The following SPAG16 variants were observed in gnomAD, a reference collection of about 807,000 sequenced individuals.
SPAG16 encodes the protein sperm associated antigen 16.
A neutral mutation model predicts 80.4 loss-of-function variants in SPAG16; 86 were observed. That is an observed-to-expected ratio of 1.07 (90% confidence interval 0.90 to 1.28). SPAG16 has a LOEUF of 1.28. SPAG16 is among the 50% of genes most tolerant of loss of function. The probability of loss-of-function intolerance (pLI) is 0.00; values close to 1 mark genes in which losing one functional copy is unlikely to be tolerated. For synonymous variants in SPAG16, 294 were observed against 265.9 expected (o/e 1.11, Z -1.03); for missense variants, 870 against 765.3 (o/e 1.14, Z -1.61).
rs1275491790 is a variant in SPAG16 at position 214,170,171 on chromosome 2, GATACACATACACTTAGGTGTGTATACAT to G, written c.1720+20913_1720+20940del. Among the ~76,000 whole-genome samples, 94 of 127,404 alleles carry G rather than the reference GATACACATACACTTAGGTGTGTATACAT, an allele frequency of 7.4e-4. 1 individual carries two copies. The highest frequency in any genetic ancestry group is 3.0e-3 in the African/African-American group (83 of 27,820). The allele number at this position is 127,404 out of a possible 152,430, so 83.6% of individuals were successfully genotyped here. On this transcript the variant is annotated intron_variant, in intron 15 of 15. Coordinates refer to ENST00000331683, the MANE Select transcript of SPAG16 (RefSeq NM_024532.5). ...AAAAAAATGCCTTTTGTGGGAGAGGGATACACATACACTTAGGTGTGTATACATATACACACACACTTAGGTGTGTATA... is the reference window on the plus strand; with the variant it reads ...AAAAAAATGCCTTTTGTGGGAGAGGGATACACACACACTTAGGTGTGTATA...
At chr2:213,531,883 C>CAGTG (rs143229995) in intron 10 of SPAG16, among the ~76,000 whole-genome samples, 33 of 152,250 alleles carry the variant, frequency 2.2e-4, no homozygotes, top group African/African-American at 7.7e-4. Context: ...ATCTTACAAT[C>CAGTG]AGTGAACCAT....
intron 10 of SPAG16, among the ~76,000 whole-genome samples, chr2:213,612,213 A>G (rs944208266): frequency 6.6e-6 from 1 of 151,930 alleles, no homozygotes; most frequent in Non-Finnish European, 1.5e-5. Flanking sequence ...TTTATGTTTA[A>G]TTTTTTTTGA....
chr2:213,427,576 G>A (rs536435007), intron 9 of SPAG16, among the ~76,000 whole-genome samples: 38 of 152,204 alleles, frequency 2.5e-4, no homozygotes, highest in African/African-American at 6.7e-4. Context: ...TAAGAAAGTC[G>A]AGTTTACATG....
intron 15 of SPAG16, among the ~76,000 whole-genome samples, chr2:214,154,131 T>G (rs533542759): frequency 6.6e-6 from 1 of 152,308 alleles, no homozygotes; most frequent in African/African-American, 2.4e-5. Flanking sequence ...ATTCAAAAAT[T>G]TATTGCTATT....
chr2:213,743,182 C>T (rs555413299), intron 10 of SPAG16, among the ~76,000 whole-genome samples: 7 of 151,432 alleles, frequency 4.6e-5, no homozygotes, highest in African/African-American at 1.4e-4. Flanking sequence ...GGATTACAGG[C>T]GTGAGCCACC....
chr2:213,927,209 A>T (rs1317785464), intron 11 of SPAG16, among the ~76,000 whole-genome samples: 1 of 152,202 alleles, frequency 6.6e-6, no homozygotes, highest in Non-Finnish European at 1.5e-5. Flanking sequence ...GTTATTTCTC[A>T]GAGGCCCTAC....
chr2:213,651,281 G>T (rs1217446012), intron 10 of SPAG16, among the ~76,000 whole-genome samples: 1 of 152,130 alleles, frequency 6.6e-6, no homozygotes, highest in Non-Finnish European at 1.5e-5. Context: ...TCTAGGGCAG[G>T]ATCAGTCAGG....
intron 9 of SPAG16, among the ~76,000 whole-genome samples, chr2:213,402,649 T>A (rs1390883951): frequency 1.3e-5 from 2 of 151,820 alleles, no homozygotes; most frequent in African/African-American, 4.8e-5. Context: ...ATTGTTCAAT[T>A]CCCACTTATG....
At chr2:213,690,073 C>T (rs1440909450) in intron 10 of SPAG16, among the ~76,000 whole-genome samples, 1 of 152,280 alleles carries the variant, frequency 6.6e-6, no homozygotes, top group South Asian at 2.1e-4. Context: ...CAATCCATCA[C>T]ATTAAAAAAA....
At chr2:214,117,669 G>C (rs1039535998) in intron 14 of SPAG16, among the ~76,000 whole-genome samples, 1 of 152,142 alleles carries the variant, frequency 6.6e-6, no homozygotes, top group African/African-American at 2.4e-5. Flanking sequence ...CATCAAATGA[G>C]ATTTATCCCA....
intron 13 of SPAG16, among the ~76,000 whole-genome samples, chr2:214,043,439 C>A (rs1355279913): frequency 6.6e-6 from 1 of 152,128 alleles, no homozygotes; most frequent in Admixed American, 6.6e-5. Context: ...CAGGAGCACT[C>A]AACCCCCCAA....
intron 10 of SPAG16, among the ~76,000 whole-genome samples, chr2:213,507,594 T>C (rs940540222): frequency 5.9e-5 from 9 of 152,222 alleles, no homozygotes; most frequent in African/African-American, 2.2e-4. Context: ...TTCAGCAATG[T>C]AGTGACCTGA....
intron 14 of SPAG16, among the ~76,000 whole-genome samples, chr2:214,121,688 A>C (rs1243519143): frequency 6.6e-6 from 1 of 151,866 alleles, no homozygotes; most frequent in Middle Eastern, 3.2e-3. Flanking sequence ...AAACTCCAAA[A>C]TGTTCCAAAA....
chr2:213,713,597 A>T (rs908727223), intron 10 of SPAG16, among the ~76,000 whole-genome samples: 1 of 152,222 alleles, frequency 6.6e-6, no homozygotes. Context: ...CAACTGTGCC[A>T]GTCATTTCAG....
intron 13 of SPAG16, among the ~76,000 whole-genome samples, chr2:214,097,315 T>C (rs2052656471): frequency 6.6e-6 from 1 of 152,032 alleles, no homozygotes; most frequent in Admixed American, 6.6e-5. Flanking sequence ...ACAATATGAT[T>C]CTTTTTAATT....
rs551443535 is a variant in SPAG16 at position 214,074,371 on chromosome 2, A to T, written c.1528-33825A>T. Among the ~76,000 whole-genome samples, 3 of 152,342 alleles carry T rather than the reference A, an allele frequency of 2.0e-5. No homozygotes were observed. The South Asian group carries it at 6.2e-4, about 32-fold the overall frequency. On this transcript the variant is annotated intron_variant, in intron 13 of 15. Coordinates refer to ENST00000331683, the MANE Select transcript of SPAG16 (RefSeq NM_024532.5). ...ATATTCATATGACAAGTAATAAACT[A>T]TTGCTCCAAACTTATACAATACACA... is the stretch of plus-strand genomic sequence containing the variant.
intron 9 of SPAG16, among the ~76,000 whole-genome samples, chr2:213,391,156 T>C (rs2067730093): frequency 6.6e-6 from 1 of 152,054 alleles, no homozygotes; most frequent in African/African-American, 2.4e-5. Flanking sequence ...TAATTCCAGC[T>C]ACTTGGGAGG....
At chr2:214,111,795 T>C (rs2053678210) in intron 14 of SPAG16, among the ~76,000 whole-genome samples, 1 of 152,168 alleles carries the variant, frequency 6.6e-6, no homozygotes, top group Non-Finnish European at 1.5e-5. Context: ...TCCTCTTTTA[T>C]TTTGTTGAGC....
chr2:214,075,557 T>C (rs1019649309), intron 13 of SPAG16, among the ~76,000 whole-genome samples: 3 of 152,156 alleles, frequency 2.0e-5, no homozygotes, highest in Admixed American at 2.0e-4. Flanking sequence ...CACTTTGCTG[T>C]AAGTATGTTA....
Sources: gnomAD v4.1 joint callset for allele counts (sites outside exome capture counted in the v4.1 genomes callset) on GRCh38, gnomAD v4.1.1 for gene constraint, MANE v1.5 for transcripts, NCBI Gene and HGNC (gene_info 2026-07-23, HGNC 2026-07-21) for gene names.